SLC9A9: variants seen among roughly 807,000 people sequenced by gnomAD.
The protein encoded by SLC9A9 is sodium/hydrogen exchanger 9.
Under a neutral mutation model 77.8 loss-of-function variants are expected in SLC9A9, and 62 were observed. The ratio of observed to expected loss-of-function variants is 0.80; its 90% confidence interval spans 0.65 to 0.98. The LOEUF is 0.98. Among genes scored for constraint, SLC9A9 ranks in the 50% least tolerant of loss-of-function variants. The pLI is 0.00. For missense variants in SLC9A9, 775 were observed against 774.9 expected (o/e 1.00, Z 0.00); for synonymous variants, 320 against 283.5 (o/e 1.13, Z -1.29).
At chr3:143,526,512 C>T (rs548295091) in intron 9 of SLC9A9, among the ~76,000 whole-genome samples, 2 of 152,112 alleles carry the variant, frequency 1.3e-5, no homozygotes, top group Non-Finnish European at 2.9e-5. Context: ...AACAGACCTG[C>T]CCCTAATTTA....
rs1023417977 is a variant in SLC9A9, at chr3:143,822,575, A to G, written c.378+9444T>C. Among the ~76,000 whole-genome samples, 12 of 152,276 alleles carry G rather than the reference A, an allele frequency of 7.9e-5. No individual in the cohort carries two copies. In the South Asian group the frequency reaches 1.0e-3, roughly 13 times the overall value. On this transcript the variant is annotated intron_variant, in intron 2 of 15. Transcript: ENST00000316549. Reference sequence around the variant, plus strand: ...CTGTGCCCAGCTGTCTGTGGAGCCTACCTCAGGCTGTATCTGTTACTAAAC... The same window carrying G: ...CTGTGCCCAGCTGTCTGTGGAGCCTGCCTCAGGCTGTATCTGTTACTAAAC...
intron 9 of SLC9A9, among the ~76,000 whole-genome samples, chr3:143,548,838 A>G (rs2036834067): frequency 6.6e-6 from 1 of 152,216 alleles, no homozygotes. Flanking sequence ...TAATTCTCTA[A>G]AGCCTTTGTA....
chr3:143,274,448 G>C (rs911089535), intron 14 of SLC9A9, among the ~76,000 whole-genome samples: 1 of 152,100 alleles, frequency 6.6e-6, no homozygotes, highest in African/African-American at 2.4e-5. Flanking sequence ...ACATACTGTG[G>C]GGTGCTGGCA....
chr3:143,659,861 G>A (rs1185032415), intron 5 of SLC9A9, among the ~76,000 whole-genome samples: 2 of 152,214 alleles, frequency 1.3e-5, no homozygotes, highest in African/African-American at 2.4e-5. Flanking sequence ...AAGGGACCCT[G>A]TGGGAGGTAA....
chr3:143,475,805 A>AG (rs2035467402), intron 11 of SLC9A9, among the ~76,000 whole-genome samples: 1 of 151,102 alleles, frequency 6.6e-6, no homozygotes, highest in Non-Finnish European at 1.5e-5. Context: ...AAAAAAAAAA[A>AG]AGTACAATTG....
intron 12 of SLC9A9, among the ~76,000 whole-genome samples, chr3:143,428,756 C>T (rs1244005069): frequency 6.6e-6 from 1 of 152,098 alleles, no homozygotes; most frequent in East Asian, 1.9e-4. Context: ...AACCATAAAA[C>T]AGAATGAAAT....
chr3:143,645,842 A>G (rs2038698274), intron 6 of SLC9A9, among the ~76,000 whole-genome samples: 1 of 151,796 alleles, frequency 6.6e-6, no homozygotes, highest in Non-Finnish European at 1.5e-5. Flanking sequence ...GAATAAAGAC[A>G]TCTAGTATGT....
At chr3:143,370,103 T>C (rs1417263049) in intron 13 of SLC9A9, among the ~76,000 whole-genome samples, 2 of 152,134 alleles carry the variant, frequency 1.3e-5, no homozygotes, top group African/African-American at 4.8e-5. Context: ...CATAGAAACT[T>C]TGAGATAATA....
intron 8 of SLC9A9, among the ~76,000 whole-genome samples, chr3:143,559,683 T>C (rs2037048533): frequency 6.6e-6 from 1 of 152,186 alleles, no homozygotes; most frequent in South Asian, 2.1e-4. Context: ...CAAAATTGTT[T>C]CAATTTCAAA....
intron 14 of SLC9A9, among the ~76,000 whole-genome samples, chr3:143,347,335 T>C (rs1007126641): frequency 6.6e-6 from 1 of 152,114 alleles, no homozygotes; most frequent in African/African-American, 2.4e-5. Context: ...GAAGCAGAAA[T>C]AGTTTTGTTT....
chr3:143,822,647 G>A (rs1293638168), intron 2 of SLC9A9, among the ~76,000 whole-genome samples: 1 of 152,200 alleles, frequency 6.6e-6, no homozygotes, highest in Non-Finnish European at 1.5e-5. Context: ...ATGCAGCTGG[G>A]TGGAACTTTA....
At chr3:143,559,713 T>C (rs577550856) in intron 8 of SLC9A9, among the ~76,000 whole-genome samples, 1 of 152,328 alleles carries the variant, frequency 6.6e-6, no homozygotes, top group Non-Finnish European at 1.5e-5. Context: ...TAAAGTAAAA[T>C]TTAAAAATAT....
intron 4 of SLC9A9, among the ~76,000 whole-genome samples, chr3:143,766,880 T>G (rs1475846898): frequency 2.0e-5 from 3 of 152,200 alleles, no homozygotes; most frequent in African/African-American, 7.2e-5. Context: ...AGCCTTAGAC[T>G]GCAAGAGTTC....
chr3:143,299,996 T>TC (rs1374413312), intron 14 of SLC9A9, among the ~76,000 whole-genome samples: 1 of 152,232 alleles, frequency 6.6e-6, no homozygotes, highest in East Asian at 1.9e-4. Flanking sequence ...CAGAGATCGC[T>TC]AATCTTTTCT....
intron 4 of SLC9A9, among the ~76,000 whole-genome samples, chr3:143,737,305 C>T (rs1934963760): frequency 6.6e-6 from 1 of 152,042 alleles, no homozygotes; most frequent in African/African-American, 2.4e-5. Context: ...TAGTGTGCTT[C>T]CTGTTAGTCA....
intron 14 of SLC9A9, among the ~76,000 whole-genome samples, chr3:143,302,664 G>C (rs2030576179): frequency 1.3e-5 from 2 of 152,114 alleles, no homozygotes; most frequent in African/African-American, 2.4e-5. Context: ...GCGAGAGGGA[G>C]AGCTGGCAGA....
In SLC9A9 at chr3:143,322,429, G is replaced by C. The variant is rs1172390375; in HGVS notation, c.1604+41055C>G. On this transcript the variant is annotated intron_variant, in intron 14 of 15. Transcript: ENST00000316549. ...CCTGGTTTTCAGAACTTCAGATTCA[G>C]ACTGAGCAACACCATTGGCTCTCCT... Among the ~76,000 whole-genome samples, 3 of 152,178 alleles carry C rather than the reference G, an allele frequency of 2.0e-5. No homozygotes were observed. The East Asian group carries it at 5.8e-4, about 29-fold the overall frequency.
chr3:143,650,001 T>C lies in SLC9A9; in HGVS notation c.755+2254A>G, dbSNP rs6771200. On this transcript the variant is annotated intron_variant, in intron 6 of 15. Transcript: ENST00000316549. ...GCAAATATATATGTAAATCCAATGC[T>C]GTGCAGGGGTGAAGCAGAAGCTCAG... 3.8e-3 allele frequency among the ~76,000 whole-genome samples: 577 copies of C among 152,254 alleles called. 4 individuals carry two copies. Among genetic ancestry groups the C allele is most frequent in the African/African-American group, 0.013 (544 of 41,538 alleles).
At chr3:143,464,195 A>G (rs1445494168) in intron 12 of SLC9A9, among the ~76,000 whole-genome samples, 1 of 152,174 alleles carries the variant, frequency 6.6e-6, no homozygotes, top group African/African-American at 2.4e-5. Flanking sequence ...TAAAGCTCCA[A>G]TTTACTTACT....
Sources: gnomAD v4.1 joint callset for allele counts (sites outside exome capture counted in the v4.1 genomes callset) on GRCh38, gnomAD v4.1.1 for gene constraint, MANE v1.5 for transcripts, NCBI Gene and HGNC (gene_info 2026-07-23, HGNC 2026-07-21) for gene names.